MUC4: variants seen among roughly 807,000 people sequenced by gnomAD.
MUC4 encodes the protein mucin-4.
A neutral mutation model predicts 257.9 loss-of-function variants in MUC4; 202 were observed. That is an observed-to-expected ratio of 0.78 (90% CI 0.70 to 0.88). The LOEUF is 0.88. Ranked by LOEUF, MUC4 falls within the 40% of genes least tolerant of loss-of-function variation. MUC4 has a pLI of 0.00. For missense variants in MUC4, 5,976 were observed against 6,513.7 expected, an observed-to-expected ratio of 0.92 and a Z score of 2.84; for synonymous variants, 2,351 against 2,757.1, an observed-to-expected ratio of 0.85 and a Z score of 4.62.
intron 1 of MUC4, among the ~76,000 whole-genome samples, chr3:195,796,779 A>G (rs555000224): frequency 6.6e-6 from 1 of 152,360 alleles, no homozygotes; most frequent in South Asian, 2.1e-4. Context: ...TTCAAGGAAC[A>G]GGTAATTTCA....
chr3:195,768,172 G>A (rs1471499783), intron 7 of MUC4, among the ~76,000 whole-genome samples: 2 of 152,196 alleles, frequency 1.3e-5, no homozygotes, highest in African/African-American at 4.8e-5. Context: ...AATTCCTAGA[G>A]TTGGGTAATT....
chr3:195,785,536 G>C lies in MUC4; in HGVS notation c.6044C>G (p.Thr2015Ser), dbSNP rs768203023. The C allele has an allele frequency of 9.9e-6, 15 of 1,519,222 alleles. 2 individuals are homozygous for C. Among genetic ancestry groups the C allele is most frequent in the Middle Eastern group, 4.4e-4 (2 of 4,502 alleles). 94.1% of individuals were successfully genotyped at this position (1,519,222 alleles called of 1,614,324 possible). The change falls in exon 2 of 25, where the codon ACC becomes AGC. Residue 2015 changes from threonine to serine, a missense_variant. By Grantham distance (58) the Thr-to-Ser change is moderately conservative (BLOSUM62 1). Around this residue, in one of 44 missense-constraint regions of MUC4, gnomAD observed 51 missense variants for 45.1 expected, o/e 1.13. Transcript: ENST00000463781. Reference protein sequence around the residue: ...DTSSVSTGQATPLPVTSLSSA... With the variant: ...DTSSVSTGQASPLPVTSLSSA... ...GGAAAGGCTGGTGACAGGAAGAGGG[G>C]TGGCCTGTCCTGTAGATACTGAGGA...
In MUC4 at chr3:195,781,158, A is replaced by T; in HGVS notation, c.10422T>A (p.Pro3474=). The T allele has an allele frequency of 2.0e-6, 3 of 1,480,296 alleles. No individual in the cohort carries two copies. The highest frequency in any genetic ancestry group is 2.7e-6 in the Non-Finnish European group (3 of 1,107,884). 91.7% of individuals were successfully genotyped at this position (1,480,296 alleles called of 1,614,324 possible). A position where few individuals can be genotyped will look rare whatever the true frequency, so the allele number is the denominator to read the frequency against. Residue 3474 remains proline, a synonymous_variant, in exon 2 of 25, where the codon CCT becomes CCA. Coordinates refer to ENST00000463781, the MANE Select transcript of MUC4 (RefSeq NM_018406.7). ...SASTGDTTPL[P]VTSPSSASTG... ...TAGATGCTGAGGAAGGGCTGGTGAC[A>T]GGAAGAGGGGTGGTGTCACCTGTGG...
In MUC4 at chr3:195,752,054, G is replaced by A. The variant is rs541403891; in HGVS notation, c.15582+319C>T. On this transcript the variant is annotated intron_variant, in intron 21 of 24. Transcript: ENST00000463781. ...GGCAGCCAAGAAGAGGGAGCCGCCC[G>A]TTCCCTCTGGGAAGTCAGGGAAGAC... 134 of 367,082 alleles carry A rather than the reference G, an allele frequency of 3.7e-4. 1 individual carries two copies. Among genetic ancestry groups the A allele is most frequent in the African/African-American group, 2.0e-3 (102 of 50,124 alleles). 22.7% of individuals were successfully genotyped at this position (367,082 alleles called of 1,614,324 possible). A position where few individuals can be genotyped will look rare whatever the true frequency, so the allele number is the denominator to read the frequency against.
At position 195,771,661 on chromosome 3, in the gene MUC4, T is replaced by C. The variant is rs773132271; in HGVS notation, c.13233A>G (p.Thr4411=). ...GCTTTGAAAGGCTCACCTGATAAAATGTGGTCCCCCGACCAGTGGAGAAGT... is the reference window on the plus strand; with the variant it reads ...GCTTTGAAAGGCTCACCTGATAAAACGTGGTCCCCCGACCAGTGGAGAAGT... ...DADFSTGRGT[T]FYQEYETFYG... is the part of the protein sequence containing the mutation. The change falls in exon 5 of 25, where the codon ACA becomes ACG. Residue 4411 remains threonine, a synonymous_variant. Coordinates refer to ENST00000463781, the MANE Select transcript of MUC4 (RefSeq NM_018406.7). 2 of 1,613,418 alleles carry C rather than the reference T, an allele frequency of 1.2e-6. No individual in the cohort carries two copies. The highest frequency in any genetic ancestry group is 3.3e-5 in the Admixed American group (2 of 59,978).
chr3:195,766,401 G>A (rs1015533431), intron 8 of MUC4, among the ~76,000 whole-genome samples: 1 of 152,134 alleles, frequency 6.6e-6, no homozygotes, highest in Non-Finnish European at 1.5e-5. Flanking sequence ...CCCCCCGAGA[G>A]CCCTCTTGGG....
chr3:195,799,448 G>C (rs1560415645), intron 1 of MUC4, among the ~76,000 whole-genome samples: 1 of 152,180 alleles, frequency 6.6e-6, no homozygotes, highest in Non-Finnish European at 1.5e-5. Flanking sequence ...TTACAGGCAT[G>C]TGCCACCATG....
Position 195,805,669 on chromosome 3 carries a change from G to A in MUC4, c.82+6067C>T, listed in dbSNP as rs372069017. 9.9e-5 allele frequency among the ~76,000 whole-genome samples: 15 copies of A among 152,200 alleles called. 1 individual carries two copies. Among genetic ancestry groups the A allele is most frequent in the African/African-American group, 3.1e-4 (13 of 41,552 alleles). On this transcript the variant is annotated intron_variant, in intron 1 of 24. Transcript: ENST00000463781. ...CCACCACCATCTCCTGCTAATTTTT[G>A]TATTTTTAGTAGAGACGGGGTTTTG...
chr3:195,809,281 C>A (rs1736390199), intron 1 of MUC4, among the ~76,000 whole-genome samples: 1 of 152,206 alleles, frequency 6.6e-6, no homozygotes, highest in South Asian at 2.1e-4. Flanking sequence ...CAGTGTGACC[C>A]AGCCTGGGTG....
rs151016062 is a variant in MUC4 at position 195,774,291 on chromosome 3, G to A, written c.12958C>T (p.Pro4320Ser). ...AGGTCCCCGGCGCCTGCCCCATAGG[G>A]GAAGAGGGAAACTCCTGGGCCAGGA... ...ILPERGVSLF[P>S]YGAGAGDLEF... The change falls in exon 4 of 25, where the codon CCC (proline) becomes TCC (serine). Residue 4320 changes from proline (P) to serine (S), a missense_variant. Physicochemically the swap from Pro to Ser is moderately conservative, Grantham distance 74. Coordinates refer to ENST00000463781, the MANE Select transcript of MUC4 (RefSeq NM_018406.7). The A allele has an allele frequency of 1.8e-3, 2,879 of 1,564,058 alleles. 3 individuals are homozygous for A. The highest frequency in any genetic ancestry group is 2.3e-3 in the Admixed American group (119 of 51,902).
intron 8 of MUC4, among the ~76,000 whole-genome samples, 184 bp downstream of exon 8, chr3:195,766,479 G>A (rs1031377204): frequency 6.6e-6 from 1 of 152,176 alleles, no homozygotes; most frequent in African/African-American, 2.4e-5. Context: ...TGCAGGAGGT[G>A]CCAGCTGCTC....
At chr3:195,750,544 G>A in intron 23 of MUC4, 1 of 370,238 alleles carries the variant, frequency 2.7e-6, no homozygotes, top group South Asian at 2.6e-5. Flanking sequence ...CCGCTGGAGA[G>A]CAGAGACGAT....
chr3:195,752,592 A>C (rs1173394725), intron 20 of MUC4, 146 bp from the exon 21 acceptor site: 9 of 636,790 alleles, frequency 1.4e-5, no homozygotes, highest in Non-Finnish European at 2.3e-5. Flanking sequence ...CTCACCCTAC[A>C]TTCCACAGTG....
chr3:195,797,531 A>C (rs1734719924), intron 1 of MUC4, among the ~76,000 whole-genome samples: 1 of 152,340 alleles, frequency 6.6e-6, no homozygotes, highest in Non-Finnish European at 1.5e-5. Context: ...CCCCGTGTAA[A>C]CATTATACTT....
At position 195,750,883 on chromosome 3, in the gene MUC4, A is replaced by G. The variant is rs1168572117; in HGVS notation, c.15871+6T>C. The G allele has an allele frequency of 6.2e-7, 1 of 1,612,552 alleles. No individual in the cohort carries two copies. The highest frequency in any genetic ancestry group is 1.7e-5 in the Admixed American group (1 of 59,972). On this transcript the variant is annotated splice_donor_region_variant and intron_variant, in intron 23 of 24. Transcript: ENST00000463781. ...CCCATAGTGTCCCCGGAATGGACGG[A>G]CTCACGGGCTGTCACATCGCGCACG...
chr3:195,800,034 T>G (rs144614720), intron 1 of MUC4, among the ~76,000 whole-genome samples: 3 of 152,150 alleles, frequency 2.0e-5, no homozygotes, highest in African/African-American at 4.8e-5. Flanking sequence ...TCCCAGCACT[T>G]TGGGAGGTCG....
chr3:195,806,964 C>T (rs1034356395), intron 1 of MUC4, among the ~76,000 whole-genome samples: 19 of 152,198 alleles, frequency 1.2e-4, no homozygotes, highest in Admixed American at 6.5e-4. Context: ...ACCTAAACTG[C>T]AACCTGGGCG....
intron 19 of MUC4, 44 bp downstream of exon 19, chr3:195,754,169 G>C: frequency 6.3e-7 from 1 of 1,579,590 alleles, no homozygotes; most frequent in Non-Finnish European, 8.6e-7. Flanking sequence ...TGAGCTATCA[G>C]CTGCTCCCAG....
intron 24 of MUC4, among the ~76,000 whole-genome samples, chr3:195,748,355 G>C (rs1715576080): frequency 6.6e-6 from 1 of 152,280 alleles, no homozygotes; most frequent in Admixed American, 6.5e-5. Context: ...CCTGAGGTCA[G>C]GAGTTCGAGA....
Sources: allele counts gnomAD v4.1 joint callset (sites outside exome capture counted in the v4.1 genomes callset), GRCh38; gene constraint gnomAD v4.1.1; regional missense constraint gnomAD v4.1.1; transcripts MANE v1.5; gene names NCBI Gene and HGNC (gene_info 2026-07-23, HGNC 2026-07-21).